GPHN: variants seen among roughly 807,000 people sequenced by gnomAD.
GPHN encodes the protein gephyrin.
Under a neutral mutation model 95.5 loss-of-function variants are expected in GPHN, and 17 were observed. The observed-to-expected ratio is 0.18, with a 90% CI of 0.12 to 0.27. GPHN has a LOEUF of 0.27. GPHN is among the 10% of genes least tolerant of loss of function. The pLI is 1.00. For missense variants in GPHN, 660 were observed against 978.1 expected, an observed-to-expected ratio of 0.67 and a Z score of 4.34; for synonymous variants, 320 against 322.5, an observed-to-expected ratio of 0.99 and a Z score of 0.08.
intron 11 of GPHN, 47 bp downstream of exon 11, chr14:67,058,833 CA>C: frequency 1.3e-6 from 2 of 1,527,886 alleles, no homozygotes; most frequent in Non-Finnish European, 1.8e-6. Context: ...CATTTTTTTC[CA>C]AATAAGATTC....
At chr14:67,156,361 A>G (rs778262508) in intron 18 of GPHN, among the ~76,000 whole-genome samples, 2 of 152,180 alleles carry the variant, frequency 1.3e-5, no homozygotes, top group Non-Finnish European at 2.9e-5. Flanking sequence ...TGTAAAATAT[A>G]TACACACAAT....
chr14:67,594,857 C>T, the GPHN span, among the ~76,000 whole-genome samples: 1 of 152,138 alleles, frequency 6.6e-6, no homozygotes, highest in Non-Finnish European at 1.5e-5. Context: ...GTGCTCAGAA[C>T]ACTTACATTA....
At chr14:67,575,198 T>C in the GPHN span, among the ~76,000 whole-genome samples, 34,588 of 151,994 alleles carry the variant, frequency 0.23, 4,395 homozygotes, top group Non-Finnish European at 0.3. Context: ...GAATAGCCCA[T>C]GATGGCTGGG....
At chr14:67,694,278 C>T in the GPHN span, among the ~76,000 whole-genome samples, 5 of 152,066 alleles carry the variant, frequency 3.3e-5, no homozygotes, top group Non-Finnish European at 5.9e-5. Flanking sequence ...TCCCACATCC[C>T]CTTACTGTAT....
chr14:67,715,653 T>C, the GPHN span, among the ~76,000 whole-genome samples: 2 of 152,242 alleles, frequency 1.3e-5, no homozygotes, highest in Non-Finnish European at 2.9e-5. Context: ...AGTTCGTTCT[T>C]TTTGTAAGTA....
intron 8 of GPHN, among the ~76,000 whole-genome samples, chr14:66,939,016 T>G (rs760027286): frequency 2.0e-5 from 3 of 152,206 alleles, no homozygotes; most frequent in Non-Finnish European, 4.4e-5. Context: ...TTTGAACTTT[T>G]ATCTAACACC....
intron 11 of GPHN, among the ~76,000 whole-genome samples, chr14:67,061,870 TACTGCCTA>T: frequency 6.6e-6 from 1 of 152,270 alleles, no homozygotes; most frequent in East Asian, 1.9e-4. Flanking sequence ...ACATATTAAC[TACTGCCTA>T]ACTACCACAT....
chr14:66,627,187 T>C (rs937804582), intron 1 of GPHN, among the ~76,000 whole-genome samples: 1 of 152,138 alleles, frequency 6.6e-6, no homozygotes, highest in Non-Finnish European at 1.5e-5. Flanking sequence ...TCTGTGAATC[T>C]CTTACCTATA....
chr14:66,904,219 G>T (rs2065257624), intron 5 of GPHN, among the ~76,000 whole-genome samples: 1 of 152,094 alleles, frequency 6.6e-6, no homozygotes. Flanking sequence ...AAGATTTATT[G>T]TGAAGAGTAT....
intron 1 of GPHN, among the ~76,000 whole-genome samples, chr14:66,602,573 C>T (rs2062305305): frequency 6.6e-6 from 1 of 151,910 alleles, no homozygotes; most frequent in Non-Finnish European, 1.5e-5. Context: ...TTCAATTTTT[C>T]ATCAGTTACT....
At chr14:67,256,167 T>G in the GPHN span, among the ~76,000 whole-genome samples, 1 of 152,258 alleles carries the variant, frequency 6.6e-6, no homozygotes, top group Non-Finnish European at 1.5e-5. Context: ...TTTGGTCTAT[T>G]ATCCTCATTT....
intron 4 of GPHN, among the ~76,000 whole-genome samples, chr14:66,877,826 A>G (rs560370734): frequency 3.3e-5 from 5 of 152,340 alleles, no homozygotes; most frequent in South Asian, 4.1e-4. Flanking sequence ...TATAGATTCA[A>G]TGCTATCCCC....
At chr14:67,449,360 C>T in the GPHN span, among the ~76,000 whole-genome samples, 2,063 of 152,224 alleles carry the variant, frequency 0.014, 37 homozygotes, top group African/African-American at 0.044. Context: ...TCTCAGAGCC[C>T]AGAAGCTTTA....
chr14:67,054,483 C>T (rs756300949), intron 10 of GPHN, among the ~76,000 whole-genome samples: 4 of 152,144 alleles, frequency 2.6e-5, no homozygotes, highest in Non-Finnish European at 4.4e-5. Context: ...ATTCCACGCT[C>T]ATGGATGGGA....
the GPHN span, among the ~76,000 whole-genome samples, chr14:67,673,950 T>A: frequency 1.3e-5 from 2 of 152,224 alleles, no homozygotes; most frequent in African/African-American, 2.4e-5. Flanking sequence ...CCCCAAATTA[T>A]GACTCCTTTG....
chr14:67,381,505 C>T, the GPHN span: 6 of 993,074 alleles, frequency 6.0e-6, no homozygotes, highest in Admixed American at 7.2e-5. Flanking sequence ...TATTTGAATA[C>T]TAATATATCT....
chr14:67,653,430 A>G, the GPHN span: 1 of 1,613,402 alleles, frequency 6.2e-7, no homozygotes, highest in Non-Finnish European at 8.5e-7. Flanking sequence ...ACTTTAATAA[A>G]ACTTACTTTC....
chr14:67,426,969 C>T, the GPHN span, among the ~76,000 whole-genome samples: 2 of 152,196 alleles, frequency 1.3e-5, no homozygotes, highest in African/African-American at 4.8e-5. Flanking sequence ...CCCCAGGCCT[C>T]CGCAGGCTCC....
intron 12 of GPHN, 58 bp downstream of exon 12, chr14:67,089,133 C>CTTTTTTTTTTTTTT (rs1163483546): frequency 3.3e-4 from 66 of 200,422 alleles, no homozygotes; most frequent in Non-Finnish European, 3.8e-4. Flanking sequence ...TTCTTTTTTT[C>CTTTTTTTTTTTTTT]TTTTTTTTTT....
Sources: allele counts gnomAD v4.1 joint callset (sites outside exome capture counted in the v4.1 genomes callset), GRCh38; gene constraint gnomAD v4.1.1; transcripts MANE v1.5; gene names NCBI Gene and HGNC (gene_info 2026-07-23, HGNC 2026-07-21).